The following OSBPL3 variants were observed in gnomAD, a reference collection of about 807,000 sequenced individuals.
OSBPL3 encodes the protein oxysterol-binding protein-related protein 3.
OSBPL3 carries 65 observed loss-of-function variants against 120.1 expected under a neutral mutation model. The observed-to-expected ratio is 0.54, with a 90% confidence interval of 0.44 to 0.67. OSBPL3 has a LOEUF of 0.67. Among genes scored for constraint, OSBPL3 ranks in the 30% least tolerant of loss-of-function variants. The pLI, the probability that OSBPL3 is intolerant of heterozygous loss-of-function variation, is 0.00. For synonymous variants in OSBPL3, 416 were observed against 402.6 expected, an observed-to-expected ratio of 1.03 and a Z score of -0.40; for missense variants, 1,004 against 1,082.1, an observed-to-expected ratio of 0.93 and a Z score of 1.01.
At position 24,972,792 on chromosome 7, in the gene OSBPL3, T is replaced by C. The variant is rs1262016389; in HGVS notation, c.-150+7094A>G. Among the ~76,000 whole-genome samples the C allele has an allele frequency of 1.3e-5, 2 of 152,176 alleles. No homozygotes were observed. Among genetic ancestry groups the C allele is most frequent in the Non-Finnish European group, 2.9e-5 (2 of 68,038 alleles). On this transcript the variant is annotated intron_variant, in intron 1 of 22. Coordinates refer to ENST00000313367, the MANE Select transcript of OSBPL3 (RefSeq NM_015550.4). The surrounding 1 kb of genome is among the most constrained non-coding windows in gnomAD (Gnocchi z 4.3). ...TATATTAGCTTTAGCTTCTAAACAT[T>C]TCAGATGACTGTCCACCACAAATTA...
intron 2 of OSBPL3, among the ~76,000 whole-genome samples, chr7:24,887,807 C>G (rs753878615): frequency 2.6e-4 from 40 of 152,160 alleles, no homozygotes; most frequent in Non-Finnish European, 4.6e-4. Context: ...TCCTTCTTAA[C>G]ACAATGCTCT....
intron 1 of OSBPL3, among the ~76,000 whole-genome samples, chr7:24,974,790 A>G (rs1257345474): frequency 6.6e-6 from 1 of 152,214 alleles, no homozygotes; most frequent in Non-Finnish European, 1.5e-5. Context: ...AATGTCTAGA[A>G]TAGGCAAATC....
chr7:24,931,875 G>A (rs1025698605), intron 1 of OSBPL3, among the ~76,000 whole-genome samples: 19 of 152,266 alleles, frequency 1.2e-4, no homozygotes, highest in African/African-American at 4.3e-4. Flanking sequence ...TCTCAAATGT[G>A]GTCCTGAGCC....
At chr7:24,858,831 G>A (rs1800151328) in intron 10 of OSBPL3, among the ~76,000 whole-genome samples, 1 of 152,182 alleles carries the variant, frequency 6.6e-6, no homozygotes, top group African/African-American at 2.4e-5. Flanking sequence ...TGCTGAGGAG[G>A]CAGCTTCTTC....
At chr7:24,809,161 G>T (rs1476560407) in intron 20 of OSBPL3, among the ~76,000 whole-genome samples, 1 of 152,198 alleles carries the variant, frequency 6.6e-6, no homozygotes, top group African/African-American at 2.4e-5. Context: ...TTTTTTACCA[G>T]CCTGAAGCAT....
chr7:24,978,777 G>C (rs553031682), intron 1 of OSBPL3, among the ~76,000 whole-genome samples: 220 of 152,278 alleles, frequency 1.4e-3, no homozygotes, highest in Non-Finnish European at 2.9e-3. Context: ...GCAACACCTA[G>C]GGGGTCTCAA....
intron 16 of OSBPL3, among the ~76,000 whole-genome samples, chr7:24,828,416 C>T (rs112491699): frequency 0.012 from 1,787 of 152,010 alleles, 52 homozygotes; most frequent in African/African-American, 0.042. Context: ...GCGACCAGCC[C>T]GGCCAATATG....
At position 24,800,188 on chromosome 7, in the gene OSBPL3, A is replaced by G. The variant is rs767659064; in HGVS notation, c.2659T>C (p.Trp887Arg). The G allele has an allele frequency of 1.9e-6, 3 of 1,575,840 alleles. No individual in the cohort carries two copies. Among genetic ancestry groups the G allele is most frequent in the Non-Finnish European group, 2.6e-6 (3 of 1,145,118 alleles). The change falls in exon 23 of 23, where the codon TGG (tryptophan) becomes CGG (arginine). Residue 887 changes from tryptophan (W) to arginine (R), a missense_variant. Coordinates refer to ENST00000313367, the MANE Select transcript of OSBPL3 (RefSeq NM_015550.4). The stretch of plus-strand genomic sequence containing the variant: ...TATCTTTCTTCTTTACTTTTTCACC[A>G]TAAGACAGGATGGTCCAGTTTGGAA... ...GFSKLDHPVL[W>R]
At chr7:24,840,609 T>C (rs1797623018) in intron 14 of OSBPL3, 81 bp downstream of exon 14, 1 of 580,408 alleles carries the variant, frequency 1.7e-6, no homozygotes, top group Non-Finnish European at 3.0e-6. Context: ...AACCCCCATA[T>C]TGTTCAAGAG....
rs960232143 is a variant in OSBPL3 at position 24,835,813 on chromosome 7, G to C, written c.1496-1077C>G. On this transcript the variant is annotated intron_variant, in intron 14 of 22. Coordinates refer to ENST00000313367, the MANE Select transcript of OSBPL3 (RefSeq NM_015550.4). This position sits in a 1 kb window ranked among gnomAD's most constrained non-coding sequence, Gnocchi z 4.8. Reference sequence around the variant, plus strand: ...TTAACTAAGCAAACTAACACAGGAAGAGAAAACCAAATGCATGTTCTCACT... The same window carrying C: ...TTAACTAAGCAAACTAACACAGGAACAGAAAACCAAATGCATGTTCTCACT... Among the ~76,000 whole-genome samples the C allele has an allele frequency of 2.6e-5, 4 of 152,076 alleles. No individual in the cohort carries two copies. The highest frequency in any genetic ancestry group is 5.9e-5 in the Non-Finnish European group (4 of 68,004).
Position 24,871,744 on chromosome 7 carries a change from C to G in OSBPL3, c.265G>C (p.Asp89His). Residue 89 changes from aspartate to histidine, a missense_variant and splice_region_variant, in exon 4 of 23, where the codon GAT (aspartate) becomes CAT (histidine). Physicochemically the swap from Asp to His is moderately conservative, Grantham distance 81. Around this residue, in one of 4 missense-constraint regions of OSBPL3, gnomAD observed 255 missense variants for 248.7 expected, o/e 1.03. Transcript: ENST00000313367. This position sits in a 1 kb window ranked among gnomAD's most constrained non-coding sequence, Gnocchi z 4.8. Reference sequence around the variant, plus strand: ...AGTGGGCCCACAAAAAGACTTACATCGGTTTGGCTCTTGGCATATTTCAAG... The same window carrying G: ...AGTGGGCCCACAAAAAGACTTACATGGGTTTGGCTCTTGGCATATTTCAAG... ...GILKYAKSQT[D>H]IEREKLHGCI... 1 of 1,611,582 alleles carries G rather than the reference C, an allele frequency of 6.2e-7. No homozygotes were observed. Among genetic ancestry groups the G allele is most frequent in the Non-Finnish European group, 8.5e-7 (1 of 1,177,750 alleles).
intron 6 of OSBPL3, 109 bp downstream of exon 6, chr7:24,865,961 C>G: frequency 1.2e-6 from 1 of 813,370 alleles, no homozygotes; most frequent in South Asian, 1.6e-5. Context: ...CAAGCCTACC[C>G]TGCTTGTCCC....
intron 20 of OSBPL3, among the ~76,000 whole-genome samples, chr7:24,807,697 A>T (rs1793237776): frequency 6.6e-6 from 1 of 151,928 alleles, no homozygotes; most frequent in African/African-American, 2.4e-5. Flanking sequence ...TTCCATTCCT[A>T]CCCTTTTTAC....
At chr7:24,929,033 A>G (rs1458912079) in intron 1 of OSBPL3, among the ~76,000 whole-genome samples, 1 of 152,216 alleles carries the variant, frequency 6.6e-6, no homozygotes, top group African/African-American at 2.4e-5. Context: ...GCCAGAGGGT[A>G]AGCGTGTTTA....
At chr7:24,828,460 T>C (rs1172379684) in intron 16 of OSBPL3, among the ~76,000 whole-genome samples, 1 of 151,772 alleles carries the variant, frequency 6.6e-6, no homozygotes, top group Non-Finnish European at 1.5e-5. Flanking sequence ...ATACAAAACT[T>C]AGCTGGGCAT....
chr7:24,853,538 G>A (rs1285166184), intron 10 of OSBPL3, among the ~76,000 whole-genome samples: 1 of 152,190 alleles, frequency 6.6e-6, no homozygotes, highest in Non-Finnish European at 1.5e-5. Context: ...CTGACTCAAG[G>A]GGCAACATGG....
At position 24,894,006 on chromosome 7, in the gene OSBPL3, A is replaced by C. The variant is rs1562896072; in HGVS notation, c.-149-1385T>G. Among the ~76,000 whole-genome samples the C allele has an allele frequency of 6.6e-6, 1 of 152,144 alleles. No individual in the cohort carries two copies. Among genetic ancestry groups the C allele is most frequent in the Non-Finnish European group, 1.5e-5 (1 of 68,032 alleles). On this transcript the variant is annotated intron_variant, in intron 1 of 22. Coordinates refer to ENST00000313367, the MANE Select transcript of OSBPL3 (RefSeq NM_015550.4). This position sits in a 1 kb window ranked among gnomAD's most constrained non-coding sequence, Gnocchi z 4.1. The stretch of plus-strand genomic sequence containing the variant: ...TACATACATATATATATATATCTCC[A>C]ACCCATTCCATTATTAATGTTCACA...
In OSBPL3 at chr7:24,947,778, T is replaced by TCACACACA. The variant is rs56135680; in HGVS notation, c.-150+32100_-150+32107dup. On this transcript the variant is annotated intron_variant, in intron 1 of 22. Coordinates refer to ENST00000313367, the MANE Select transcript of OSBPL3 (RefSeq NM_015550.4). The surrounding 1 kb of genome is among the most constrained non-coding windows in gnomAD (Gnocchi z 4.4). ...ATGTATACATACATATCCAATTAAA[T>TCACACACA]CACACACACACACACACACACACAC... 2.9e-3 allele frequency among the ~76,000 whole-genome samples: 435 copies of TCACACACA among 148,224 alleles called. 7 individuals are homozygous for TCACACACA. The highest frequency in any genetic ancestry group is 9.9e-3 in the African/African-American group (399 of 40,154).
intron 1 of OSBPL3, among the ~76,000 whole-genome samples, chr7:24,973,147 T>A (rs1021452690): frequency 6.6e-6 from 1 of 152,194 alleles, no homozygotes; most frequent in Non-Finnish European, 1.5e-5. Context: ...GCTATTTTTT[T>A]AACTCAGATC....
Sources: allele counts gnomAD v4.1 joint callset (sites outside exome capture counted in the v4.1 genomes callset), GRCh38; gene constraint gnomAD v4.1.1; regional missense constraint gnomAD v4.1.1; non-coding constraint Gnocchi (gnomAD v3.1); transcripts MANE v1.5; gene names NCBI Gene and HGNC (gene_info 2026-07-23, HGNC 2026-07-21).